TAFA4: variants seen among roughly 807,000 people sequenced by gnomAD.
TAFA4 encodes the protein TAFA chemokine like family member 4, also known as chemokine-like protein TAFA-4.
Under a neutral mutation model 21.1 loss-of-function variants are expected in TAFA4, and 20 were observed. The ratio of observed to expected loss-of-function variants is 0.95; its 90% confidence interval spans 0.67 to 1.38. The LOEUF is 1.38. TAFA4 is among the 40% of genes most tolerant of loss of function. The pLI is 0.00. For missense variants in TAFA4, 211 were observed against 180.9 expected, an observed-to-expected ratio of 1.17 and a Z score of -0.95; for synonymous variants, 71 against 67.4, an observed-to-expected ratio of 1.05 and a Z score of -0.26.
intron 2 of TAFA4, among the ~76,000 whole-genome samples, chr3:68,883,632 A>G (rs1485714703): frequency 6.6e-6 from 1 of 152,266 alleles, no homozygotes; most frequent in East Asian, 1.9e-4. Context: ...AAAGAGAAAG[A>G]GTTTAACTTG....
At chr3:68,842,380 T>C (rs1704685097) in intron 3 of TAFA4, among the ~76,000 whole-genome samples, 1 of 152,222 alleles carries the variant, frequency 6.6e-6, no homozygotes, top group Non-Finnish European at 1.5e-5. Flanking sequence ...CTTCACCCAC[T>C]CTTTGATGGA....
At chr3:68,828,103 G>A (rs1442302144) in intron 3 of TAFA4, among the ~76,000 whole-genome samples, 1 of 152,062 alleles carries the variant, frequency 6.6e-6, no homozygotes, top group Non-Finnish European at 1.5e-5. Context: ...CATATGGCTA[G>A]TTTTCACACC....
chr3:68,931,691 T>C (rs2090159617), intron 1 of TAFA4, among the ~76,000 whole-genome samples: 1 of 146,542 alleles, frequency 6.8e-6, no homozygotes, highest in Non-Finnish European at 1.5e-5. Flanking sequence ...CGGGAAGCTT[T>C]GCGCTCCCAG....
intron 3 of TAFA4, among the ~76,000 whole-genome samples, chr3:68,815,434 C>T (rs1220755848): frequency 7.9e-5 from 12 of 152,044 alleles, no homozygotes; most frequent in Non-Finnish European, 1.8e-4. Context: ...GGCTAATATC[C>T]AGAATCTACA....
intron 3 of TAFA4, among the ~76,000 whole-genome samples, chr3:68,877,169 GA>G (rs772845893): frequency 4.6e-5 from 7 of 151,982 alleles, no homozygotes; most frequent in Non-Finnish European, 7.4e-5. Flanking sequence ...GACCAGCCTG[GA>G]TAACATGGGG....
intron 3 of TAFA4, among the ~76,000 whole-genome samples, chr3:68,764,350 G>A (rs1027524125): frequency 3.3e-5 from 5 of 152,104 alleles, no homozygotes; most frequent in Non-Finnish European, 7.4e-5. Flanking sequence ...ACAACTTCTT[G>A]AAGTTGTCAG....
At chr3:68,740,452 C>A (rs953929087) in intron 4 of TAFA4, among the ~76,000 whole-genome samples, 1 of 152,170 alleles carries the variant, frequency 6.6e-6, no homozygotes, top group African/African-American at 2.4e-5. Context: ...CCTGGCATTC[C>A]TTCACCTTTT....
chr3:68,792,503 A>C (rs1703380316), intron 3 of TAFA4, among the ~76,000 whole-genome samples: 1 of 152,162 alleles, frequency 6.6e-6, no homozygotes, highest in African/African-American at 2.4e-5. Context: ...AAACCTCCAC[A>C]GTAGACAAAA....
At chr3:68,814,087 G>A (rs1008098848) in intron 3 of TAFA4, among the ~76,000 whole-genome samples, 8 of 152,130 alleles carry the variant, frequency 5.3e-5, no homozygotes, top group South Asian at 2.1e-4. Context: ...CTCAACAGAC[G>A]CAGAAAAGGC....
intron 3 of TAFA4, among the ~76,000 whole-genome samples, chr3:68,761,974 A>T (rs111932111): frequency 0.015 from 2,265 of 152,262 alleles, 60 homozygotes; most frequent in African/African-American, 0.051. Context: ...TTGGTTGTTA[A>T]ATTTCATGTC....
intron 1 of TAFA4, among the ~76,000 whole-genome samples, chr3:68,892,654 T>A (rs1214055563): frequency 2.0e-5 from 3 of 152,236 alleles, no homozygotes; most frequent in Admixed American, 6.5e-5. Flanking sequence ...TAAATAGACA[T>A]GCTATGTTTA....
At chr3:68,837,846 GTTTT>G (rs909373804) in intron 3 of TAFA4, among the ~76,000 whole-genome samples, 1 of 150,938 alleles carries the variant, frequency 6.6e-6, no homozygotes, top group African/African-American at 2.4e-5. Context: ...TTTGGTTTGT[GTTTT>G]TTTTAGTTCA....
chr3:68,741,083 C>T (rs965510739), intron 4 of TAFA4, among the ~76,000 whole-genome samples: 5 of 152,146 alleles, frequency 3.3e-5, no homozygotes, highest in Admixed American at 6.6e-5. Flanking sequence ...GGGCTGTGTG[C>T]CTCCAACTCT....
intron 3 of TAFA4, among the ~76,000 whole-genome samples, chr3:68,874,969 G>A (rs2089529532): frequency 6.6e-6 from 1 of 152,140 alleles, no homozygotes; most frequent in African/African-American, 2.4e-5. Context: ...AGCCCATCAA[G>A]ATGGCACTGA....
chr3:68,793,017 G>T (rs1703391804), intron 3 of TAFA4, among the ~76,000 whole-genome samples: 1 of 152,092 alleles, frequency 6.6e-6, no homozygotes, highest in Non-Finnish European at 1.5e-5. Flanking sequence ...GAGTTATGTT[G>T]TCTCTTAATG....
chr3:68,819,727 C>T (rs1302639852), intron 3 of TAFA4, among the ~76,000 whole-genome samples: 1 of 152,048 alleles, frequency 6.6e-6, no homozygotes, highest in Non-Finnish European at 1.5e-5. Flanking sequence ...TAAATTAAAG[C>T]CACAGTAAGA....
chr3:68,811,839 C>G (rs1201010704), intron 3 of TAFA4, among the ~76,000 whole-genome samples: 1 of 152,098 alleles, frequency 6.6e-6, no homozygotes, highest in East Asian at 1.9e-4. Flanking sequence ...CAAAGATACT[C>G]CTTGAGAAGA....
chr3:68,836,828 T>C (rs1704534027), intron 3 of TAFA4, among the ~76,000 whole-genome samples: 1 of 152,212 alleles, frequency 6.6e-6, no homozygotes, highest in Non-Finnish European at 1.5e-5. Flanking sequence ...GTTCAAGTCT[T>C]GACTATGCTT....
intron 4 of TAFA4, among the ~76,000 whole-genome samples, chr3:68,739,876 G>A (rs1702317326): frequency 6.6e-6 from 1 of 152,190 alleles, no homozygotes; most frequent in African/African-American, 2.4e-5. Context: ...ACTTGGAAGG[G>A]TGGGAAGGAC....
Sources: gnomAD v4.1 joint callset for allele counts (sites outside exome capture counted in the v4.1 genomes callset) on GRCh38, gnomAD v4.1.1 for gene constraint, MANE v1.5 for transcripts, NCBI Gene and HGNC (gene_info 2026-07-23, HGNC 2026-07-21) for gene names.